EIF6: variants seen among roughly 807,000 people sequenced by gnomAD.
The protein encoded by EIF6 is eukaryotic translation initiation factor 6, also known as B4 integrin interactor.
Under a neutral mutation model 25.5 loss-of-function variants are expected in EIF6, and 10 were observed. The ratio of observed to expected loss-of-function variants is 0.39; its 90% CI spans 0.24 to 0.66. EIF6 has a LOEUF of 0.66. EIF6 is among the 30% of genes least tolerant of loss of function. The probability of loss-of-function intolerance (pLI) is 0.45; values close to 1 mark genes in which losing one functional copy is unlikely to be tolerated. For missense variants in EIF6, 246 were observed against 315.4 expected, an observed-to-expected ratio of 0.78 and a Z score of 1.67; for synonymous variants, 122 against 122.6, an observed-to-expected ratio of 1.00 and a Z score of 0.03.
At chr20:35,280,292 G>A (rs989100384) in intron 4 of EIF6, among the ~76,000 whole-genome samples, 174 bp from the exon 5 acceptor site, 2 of 152,162 alleles carry the variant, frequency 1.3e-5, no homozygotes, top group African/African-American at 4.8e-5. Context: ...GCAGAGTCAA[G>A]GGCAGCTGTG....
At chr20:35,283,800 C>CA (rs57842071) in intron 3 of EIF6, among the ~76,000 whole-genome samples, 1,488 of 114,994 alleles carry the variant, frequency 0.013, 14 homozygotes, top group Middle Eastern at 0.032. Context: ...AATCTGGCCT[C>CA]AAAAAAAAAA....
chr20:35,284,665 C>T, intron 1 of EIF6, 61 bp downstream of exon 1: 2 of 702,420 alleles, frequency 2.8e-6, no homozygotes, highest in Non-Finnish European at 4.7e-6. Flanking sequence ...TCCTCTGGCC[C>T]CCACCCCTCC....
intron 1 of EIF6, 70 bp downstream of exon 1, chr20:35,284,656 C>A (rs538851314): frequency 9.2e-6 from 7 of 757,062 alleles, no homozygotes; most frequent in Admixed American, 2.9e-5. Context: ...GGCCCTGAAT[C>A]CTCTGGCCCC....
chr20:35,279,127 T>G lies in EIF6; in HGVS notation c.*70A>C, dbSNP rs566941414. The G allele has an allele frequency of 6.2e-6, 10 of 1,604,170 alleles. No homozygotes were observed. Among genetic ancestry groups the G allele is most frequent in the Non-Finnish European group, 8.5e-6 (10 of 1,171,652 alleles). ...CCTCCCTGCCAGCATCCGGTACAGA[T>G]TGGGCGGAATGTGGAGAAGGTTGGC... On this transcript the variant is annotated 3_prime_UTR_variant, in exon 7 of 7. Transcript: ENST00000374450.
chr20:35,279,001 A>G lies in EIF6; in HGVS notation c.*196T>C. The stretch of plus-strand genomic sequence containing the variant: ...GCAGCCACAGGGCCTGCCAGCCAGC[A>G]CAACAGAGCAGGTTTTTGCAGTAAT... On this transcript the variant is annotated 3_prime_UTR_variant, in exon 7 of 7. Transcript: ENST00000374450. 1 of 686,112 alleles carries G rather than the reference A, an allele frequency of 1.5e-6. No homozygotes were observed. The highest frequency in any genetic ancestry group is 2.5e-6 in the Non-Finnish European group (1 of 396,622). The allele number at this position is 686,112 out of a possible 1,614,324, so 42.5% of individuals were successfully genotyped here.
At chr20:35,283,948 T>C (rs1409894149) in intron 3 of EIF6, among the ~76,000 whole-genome samples, 3 of 152,202 alleles carry the variant, frequency 2.0e-5, no homozygotes, top group Non-Finnish European at 2.9e-5. Context: ...GACGAAGGAA[T>C]GAGAACAGGA....
chr20:35,284,114 G>A (rs1381613731), intron 3 of EIF6, 62 bp downstream of exon 3: 1 of 1,523,282 alleles, frequency 6.6e-7, no homozygotes, highest in Non-Finnish European at 8.8e-7. Flanking sequence ...GGTTCCCTCC[G>A]GGGGTGTAAT....
intron 3 of EIF6, among the ~76,000 whole-genome samples, chr20:35,281,877 AACT>A (rs1395415551): frequency 6.6e-6 from 1 of 152,202 alleles, no homozygotes; most frequent in East Asian, 1.9e-4. Context: ...CATCATCTGC[AACT>A]ACTACTAAAT....
chr20:35,281,605 C>A (rs1417219321), intron 3 of EIF6, among the ~76,000 whole-genome samples: 1 of 151,980 alleles, frequency 6.6e-6, no homozygotes, highest in Non-Finnish European at 1.5e-5. Context: ...GCCACCACAC[C>A]TGGCTAACTT....
At chr20:35,281,990 CTT>C (rs56685530) in intron 3 of EIF6, among the ~76,000 whole-genome samples, 10 of 138,884 alleles carry the variant, frequency 7.2e-5, no homozygotes, top group Non-Finnish European at 4.7e-5. Flanking sequence ...AGCACTATTA[CTT>C]TTTTTTTTTT....
In EIF6 at chr20:35,280,105, A is replaced by T. The variant is rs895428184; in HGVS notation, c.383T>A (p.Ile128Asn). The T allele has an allele frequency of 6.2e-7, 1 of 1,613,980 alleles. No individual in the cohort carries two copies. Among genetic ancestry groups the T allele is most frequent in the Non-Finnish European group, 8.5e-7 (1 of 1,179,986 alleles). The change falls in exon 5 of 7, where the codon ATT becomes AAT. Residue 128 changes from isoleucine (I) to asparagine (N), a missense_variant. Ile to Asn is a moderately radical substitution (Grantham distance 149, BLOSUM62 -3). Coordinates refer to ENST00000374450, the MANE Select transcript of EIF6 (RefSeq NM_002212.4). ...HPDLDRETEE[I>N]LADVLKVEVF... ...TTCCACCTTGAGCACATCTGCCAGA[A>T]TTTCTTCTGTCTCCTGTCAATCAAA...
intron 4 of EIF6, 72 bp downstream of exon 4, chr20:35,280,581 GT>G: frequency 1.3e-6 from 2 of 1,554,690 alleles, no homozygotes. Flanking sequence ...ATTGCTGCCT[GT>G]TGGGAAAGAA....
intron 4 of EIF6, 116 bp downstream of exon 4, chr20:35,280,538 G>C: frequency 4.9e-6 from 6 of 1,236,188 alleles, no homozygotes; most frequent in Non-Finnish European, 6.7e-6. Context: ...AAACTCAAGA[G>C]CCCATATAGA....
intron 4 of EIF6, 141 bp from the exon 5 acceptor site, chr20:35,280,259 G>A (rs2060763012): frequency 2.1e-6 from 2 of 941,850 alleles, no homozygotes; most frequent in Middle Eastern, 3.3e-4. Flanking sequence ...CTCACCCAGA[G>A]AAAGGAGGAA....
chr20:35,279,312 GCTGCT>G, intron 6 of EIF6, 106 bp from the exon 7 acceptor site: 6 of 1,472,838 alleles, frequency 4.1e-6, no homozygotes, highest in Non-Finnish European at 5.6e-6. Context: ...GCTCTGACAA[GCTGCT>G]CAAGCAGCTA....
intron 3 of EIF6, among the ~76,000 whole-genome samples, chr20:35,283,555 T>TTAA (rs2060795084): frequency 1.3e-5 from 2 of 152,200 alleles, no homozygotes; most frequent in East Asian, 3.9e-4. Flanking sequence ...ATCCCAACAC[T>TTAA]TTAAGAGACC....
At chr20:35,279,907 T>G in intron 5 of EIF6, 35 bp downstream of exon 5, 3 of 1,605,668 alleles carry the variant, frequency 1.9e-6, no homozygotes. Context: ...AGGATCTGCC[T>G]CGGGAGACGG....
downstream of EIF6, chr20:35,278,914 A>G: frequency 2.0e-6 from 1 of 504,380 alleles, no homozygotes; most frequent in Non-Finnish European, 3.6e-6. Flanking sequence ...CATCACATTC[A>G]GAATGGCCCG....
In EIF6 at chr20:35,279,640, C is replaced by T. The variant is rs779504139; in HGVS notation, c.654G>A (p.Val218=). Residue 218 remains valine (V), a synonymous_variant, in exon 6 of 7, where the codon GTG becomes GTA. Coordinates refer to ENST00000374450, the MANE Select transcript of EIF6 (RefSeq NM_002212.4). Reference sequence around the variant, plus strand: ...CTTCATTCAGCTTGAAGACACTCTCCACCACTGACAGCTCTGTGCTGGTTG... The same window carrying T: ...CTTCATTCAGCTTGAAGACACTCTCTACCACTGACAGCTCTGTGCTGGTTG... The part of the protein sequence containing the change: ...LDTTSTELSV[V]ESVFKLNEAQ... 3.1e-6 allele frequency: 5 copies of T among 1,614,072 alleles called. No homozygotes were observed. The South Asian group carries it at 5.5e-5, about 18-fold the overall frequency.
Sources: allele counts gnomAD v4.1 joint callset (sites outside exome capture counted in the v4.1 genomes callset), GRCh38; gene constraint gnomAD v4.1.1; transcripts MANE v1.5; gene names NCBI Gene and HGNC (gene_info 2026-07-23, HGNC 2026-07-21).